The following PTK6 variants were observed in gnomAD, a reference collection of about 807,000 sequenced individuals.
PTK6 encodes the protein protein-tyrosine kinase 6.
PTK6 carries 47 observed loss-of-function variants against 47.5 expected under a neutral mutation model. The ratio of observed to expected loss-of-function variants is 0.99; its 90% CI spans 0.78 to 1.26. The LOEUF is 1.26. Among genes scored for constraint, PTK6 ranks in the 50% most tolerant of loss-of-function variants. The pLI is 0.00. For synonymous variants in PTK6, 287 were observed against 276.5 expected (o/e 1.04, Z -0.38); for missense variants, 618 against 625.3 (o/e 0.99, Z 0.12).
Position 63,532,695 on chromosome 20 carries a change from GA to G in PTK6, c.671-9del, listed in dbSNP as rs377028997. 396 of 1,612,888 alleles carry G rather than the reference GA, an allele frequency of 2.5e-4. 4 individuals are homozygous for G. In the South Asian group the frequency reaches 4.1e-3, roughly 17 times the overall value. On this transcript the variant is annotated splice_polypyrimidine_tract_variant and intron_variant, in intron 4 of 7. Coordinates refer to ENST00000542869, the MANE Select transcript of PTK6 (RefSeq NM_005975.4). ...GCTGGTGCAGGAGGTTGTCTGCGGG[GA>G]CGGGTGGCCTCGGTGGATGCAGCCC...
chr20:63,529,554 G>A lies in PTK6; in HGVS notation c.1338C>T (p.Ser446=). 6.4e-7 allele frequency: 1 copy of A among 1,572,090 alleles called. No individual in the cohort carries two copies. The highest frequency in any genetic ancestry group is 8.6e-7 in the Non-Finnish European group (1 of 1,158,796). The change falls in exon 8 of 8, where the codon AGC becomes AGT. Residue 446 remains serine, a synonymous_variant. Coordinates refer to ENST00000542869, the MANE Select transcript of PTK6 (RefSeq NM_005975.4). This position sits in a 1 kb window ranked among gnomAD's most constrained non-coding sequence, Gnocchi z 5.6. ...CAGCAGCTCAGGTCGGGTTCTCGTA[G>A]CTGGTGAAGCTGGAGAGCCTCTCCC... The part of the protein sequence containing the change: ...ALRERLSSFT[S]YENPT
chr20:63,534,110 C>G (rs1300049277), intron 3 of PTK6, 42 bp downstream of exon 3: 1 of 1,495,952 alleles, frequency 6.7e-7, no homozygotes, highest in Non-Finnish European at 8.9e-7. Flanking sequence ...CTGTGACCCC[C>G]CAGCCTGACC....
chr20:63,529,457 G>C lies in PTK6; in HGVS notation c.*79C>G. ...ACCTCAGTAAACCCCAGGGAAGCGC[G>C]TGGGCCTTGATCCCAGGTCCAGGCC... is the stretch of plus-strand genomic sequence containing the variant. On this transcript the variant is annotated 3_prime_UTR_variant, in exon 8 of 8. Coordinates refer to ENST00000542869, the MANE Select transcript of PTK6 (RefSeq NM_005975.4). The surrounding 1 kb of genome is among the most constrained non-coding windows in gnomAD (Gnocchi z 5.6). 7.1e-7 allele frequency: 1 copy of C among 1,406,950 alleles called. No homozygotes were observed. Among genetic ancestry groups the C allele is most frequent in the Non-Finnish European group, 9.4e-7 (1 of 1,063,324 alleles). 87.2% of individuals were successfully genotyped at this position (1,406,950 alleles called of 1,614,324 possible).
chr20:63,530,060 G>A lies in PTK6; in HGVS notation c.1168+18C>T, dbSNP rs754445891. ...CACTCTGCCTCTCATGCCCAGTCAG[G>A]GACAGTGGGGACAGTACCTGGGTAG... On this transcript the variant is annotated intron_variant, in intron 7 of 7. Coordinates refer to ENST00000542869, the MANE Select transcript of PTK6 (RefSeq NM_005975.4). This position sits in a 1 kb window ranked among gnomAD's most constrained non-coding sequence, Gnocchi z 4.1. The A allele has an allele frequency of 7.4e-6, 12 of 1,612,976 alleles. 1 individual carries two copies. In the South Asian group the frequency reaches 7.7e-5, roughly 10 times the overall value.
At chr20:63,532,169 G>GTGTGTC (rs761509467) in intron 5 of PTK6, among the ~76,000 whole-genome samples, 18,456 of 150,910 alleles carry the variant, frequency 0.12, 3,568 homozygotes, top group African/African-American at 0.42. Flanking sequence ...GTCTGTGTGT[G>GTGTGTC]TGTGTGTCTG....
At chr20:63,532,828 G>T in intron 4 of PTK6, 141 bp from the exon 5 acceptor site, 1 of 1,203,138 alleles carries the variant, frequency 8.3e-7, no homozygotes, top group Non-Finnish European at 1.1e-6. Context: ...CCCCGACAGG[G>T]CACCTGGCTC....
rs77954299 is a variant in PTK6, at chr20:63,530,705, G to A, written c.1014+41C>T. The A allele has an allele frequency of 3.2e-3, 5,131 of 1,601,464 alleles. 157 individuals carry two copies. In the African/African-American group the frequency reaches 0.062, roughly 19 times the overall value. On this transcript the variant is annotated intron_variant, in intron 6 of 7. Transcript: ENST00000542869. The surrounding 1 kb of genome is among the most constrained non-coding windows in gnomAD (Gnocchi z 4.1). The stretch of plus-strand genomic sequence containing the variant: ...AGGAAGCCCCCAGCCCTCCGGCCAC[G>A]CCCCGGCCACGACCCCAGCCACGCC...
At chr20:63,536,403 TC>T (rs1287477117) in intron 1 of PTK6, among the ~76,000 whole-genome samples, 1 of 149,140 alleles carries the variant, frequency 6.7e-6, no homozygotes, top group Non-Finnish European at 1.5e-5. Flanking sequence ...CTTTACAGCC[TC>T]CCCTGCTTGT....
At chr20:63,535,096 C>T (rs1262057158) in intron 1 of PTK6, 37 bp from the exon 2 acceptor site, 5 of 1,561,688 alleles carry the variant, frequency 3.2e-6, no homozygotes, top group Non-Finnish European at 4.4e-6. Context: ...CGGACCTGGG[C>T]CCACCCCACG....
rs371620728 is a variant in PTK6, at chr20:63,534,927, C to G, written c.352+11G>C. 1 of 1,587,184 alleles carries G rather than the reference C, an allele frequency of 6.3e-7. No individual in the cohort carries two copies. Among genetic ancestry groups the G allele is most frequent in the South Asian group, 1.1e-5 (1 of 89,476 alleles). ...CGCAGGCAAGCACAGGCTCGGAGGC[C>G]GGGGCCGCACCCGACAGGACGTAGT... is the stretch of plus-strand genomic sequence containing the variant. On this transcript the variant is annotated intron_variant, in intron 2 of 7. Transcript: ENST00000542869.
chr20:63,532,449 G>GT, intron 5 of PTK6, 77 bp downstream of exon 5: 1 of 1,420,072 alleles, frequency 7.0e-7, no homozygotes, highest in Non-Finnish European at 9.4e-7. Context: ...GTGTGTAGAC[G>GT]TGGGGGGGGG....
rs983641829 is a variant in PTK6, at chr20:63,530,662, G to A, written c.1014+84C>T. ...GGGGCCGCATCCTGCTCCCAGCCGA[G>A]TCCCCAGCTCCACACACAGGAAGCC... is the stretch of plus-strand genomic sequence containing the variant. On this transcript the variant is annotated intron_variant, in intron 6 of 7. Coordinates refer to ENST00000542869, the MANE Select transcript of PTK6 (RefSeq NM_005975.4). The surrounding 1 kb of genome is among the most constrained non-coding windows in gnomAD (Gnocchi z 4.1). The A allele has an allele frequency of 2.7e-6, 4 of 1,485,998 alleles. No individual in the cohort carries two copies. The highest frequency in any genetic ancestry group is 4.5e-5 in the Admixed American group (2 of 44,670). The allele number at this position is 1,485,998 out of a possible 1,614,324, so 92.1% of individuals were successfully genotyped here. A position where few individuals can be genotyped will look rare whatever the true frequency, so the allele number is the denominator to read the frequency against.
chr20:63,532,169 G>GTGTC (rs1555885856), intron 5 of PTK6, among the ~76,000 whole-genome samples: 81 of 150,972 alleles, frequency 5.4e-4, no homozygotes, highest in African/African-American at 1.8e-3. Context: ...GTCTGTGTGT[G>GTGTC]TGTGTGTCTG....
intron 5 of PTK6, among the ~76,000 whole-genome samples, chr20:63,531,957 A>G (rs1211085258): frequency 6.6e-6 from 1 of 152,236 alleles, no homozygotes; most frequent in Admixed American, 6.5e-5. Context: ...TCAGACACAC[A>G]CGGCATTTTT....
Position 63,534,977 on chromosome 20 carries a change from T to C in PTK6, c.313A>G (p.Arg105Gly). The C allele has an allele frequency of 6.2e-7, 1 of 1,608,096 alleles. No individual in the cohort carries two copies. Among genetic ancestry groups the C allele is most frequent in the Non-Finnish European group, 8.5e-7 (1 of 1,177,720 alleles). Residue 105 changes from arginine to glycine, a missense_variant, in exon 2 of 8, where the codon AGG becomes GGG. Transcript: ENST00000542869. ...EGNATGAFLI[R>G]VSEKPSADYV... ...TCGGCACTCGGCTTCTCGCTGACCC[T>C]GATCAGGAAGGCGCCCGTGGCGTTG...
At chr20:63,532,956 G>C (rs2082636702) in intron 4 of PTK6, among the ~76,000 whole-genome samples, 1 of 152,142 alleles carries the variant, frequency 6.6e-6, no homozygotes, top group African/African-American at 2.4e-5. Context: ...CTGACATAGA[G>C]GCCAGACCTC....
Position 63,529,700 on chromosome 20 carries a change from G to A in PTK6, c.1192C>T (p.Leu398=). ...ATGCGGTAGCCGGCGTCCACCCTCA[G>A]GAAGGCCTCATGGTTGGACATGCCT... ...YPGMSNHEAF[L]RVDAGYRMPC... The change falls in exon 8 of 8, where the codon CTG becomes TTG. Residue 398 remains leucine, a synonymous_variant. Coordinates refer to ENST00000542869, the MANE Select transcript of PTK6 (RefSeq NM_005975.4). This position sits in a 1 kb window ranked among gnomAD's most constrained non-coding sequence, Gnocchi z 5.6. The A allele has an allele frequency of 6.5e-7, 1 of 1,546,150 alleles. No individual in the cohort carries two copies. The highest frequency in any genetic ancestry group is 1.4e-5 in the African/African-American group (1 of 72,826).
chr20:63,536,859 C>T (rs2082673057), intron 1 of PTK6, among the ~76,000 whole-genome samples: 1 of 152,260 alleles, frequency 6.6e-6, no homozygotes, highest in South Asian at 2.1e-4. Flanking sequence ...CCCTCTGACC[C>T]CCGTGCTCCA....
chr20:63,529,283 G>T lies in PTK6; in HGVS notation c.*253C>A. On this transcript the variant is annotated 3_prime_UTR_variant, in exon 8 of 8. Transcript: ENST00000542869. This position sits in a 1 kb window ranked among gnomAD's most constrained non-coding sequence, Gnocchi z 5.6. ...CCCCTCTGACCTCTGCTGGCTTCGT[G>T]TCAGTCTCCCGGATCTCATCTGCAG... 1 of 387,012 alleles carries T rather than the reference G, an allele frequency of 2.6e-6. No homozygotes were observed. Among genetic ancestry groups the T allele is most frequent in the Non-Finnish European group, 4.6e-6 (1 of 216,276 alleles). The allele number at this position is 387,012 out of a possible 1,614,324, so 24.0% of individuals were successfully genotyped here. A position where few individuals can be genotyped will look rare whatever the true frequency, so the allele number is the denominator to read the frequency against.
Sources: allele counts gnomAD v4.1 joint callset (sites outside exome capture counted in the v4.1 genomes callset), GRCh38; gene constraint gnomAD v4.1.1; non-coding constraint Gnocchi (gnomAD v3.1); transcripts MANE v1.5; gene names NCBI Gene and HGNC (gene_info 2026-07-23, HGNC 2026-07-21).